Variants in DPP10 observed in about 807,000 individuals in gnomAD.
DPP10 encodes the protein dipeptidyl peptidase like 10, also known as inactive dipeptidyl peptidase 10.
DPP10 carries 33 observed loss-of-function variants against 120.9 expected under a neutral mutation model. The observed-to-expected ratio is 0.27, with a 90% CI of 0.21 to 0.37. The LOEUF (loss-of-function observed/expected upper bound fraction) is 0.37, where lower values mean the gene tolerates loss of function less well. Among genes scored for constraint, DPP10 ranks in the 10% least tolerant of loss-of-function variants. The probability of loss-of-function intolerance (pLI) is 1.00; values close to 1 mark genes in which losing one functional copy is unlikely to be tolerated. For synonymous variants in DPP10, 337 were observed against 326.1 expected (o/e 1.03, Z -0.36); for missense variants, 816 against 942.8 (o/e 0.87, Z 1.76).
chr2:114,955,084 A>G (rs1450259046), intron 1 of DPP10, among the ~76,000 whole-genome samples: 1 of 152,232 alleles, frequency 6.6e-6, no homozygotes, highest in Non-Finnish European at 1.5e-5. Context: ...TAAGAAAGTA[A>G]AGGAATAACA....
intron 3 of DPP10, among the ~76,000 whole-genome samples, chr2:115,390,027 A>G (rs2106535878): frequency 6.6e-6 from 1 of 152,284 alleles, no homozygotes; most frequent in East Asian, 1.9e-4. Context: ...GAGATGGACA[A>G]AGTAGTTCTA....
chr2:115,567,247 GA>G (rs1351537719), intron 5 of DPP10, among the ~76,000 whole-genome samples: 1 of 151,610 alleles, frequency 6.6e-6, no homozygotes, highest in East Asian at 1.9e-4. Flanking sequence ...AATTTAAAAT[GA>G]TACAAAAATG....
chr2:114,462,452 A>G (rs1679007312), intron 1 of DPP10, among the ~76,000 whole-genome samples: 1 of 152,166 alleles, frequency 6.6e-6, no homozygotes, highest in South Asian at 2.1e-4. Context: ...TCTTTTCGAC[A>G]ACCTTGGCAG....
At chr2:115,086,496 A>C (rs1708713339) in intron 1 of DPP10, among the ~76,000 whole-genome samples, 1 of 129,006 alleles carries the variant, frequency 7.8e-6, no homozygotes. Context: ...CCAGGCTGTC[A>C]CCCAGGCTGG....
chr2:115,189,309 G>A (rs2054694677), intron 1 of DPP10, among the ~76,000 whole-genome samples: 1 of 152,076 alleles, frequency 6.6e-6, no homozygotes, highest in Non-Finnish European at 1.5e-5. Context: ...GGCGGGGTGA[G>A]TAGTTTGGCA....
intron 5 of DPP10, among the ~76,000 whole-genome samples, chr2:115,593,423 T>G (rs912650980): frequency 6.6e-6 from 1 of 152,190 alleles, no homozygotes; most frequent in Non-Finnish European, 1.5e-5. Context: ...AATCCACACA[T>G]CAGCAGGGAG....
intron 7 of DPP10, among the ~76,000 whole-genome samples, chr2:115,711,887 C>T (rs1559060902): frequency 7.0e-6 from 1 of 142,482 alleles, no homozygotes; most frequent in African/African-American, 2.6e-5. Context: ...AAGAGTTTTC[C>T]TAGAATATTG....
chr2:115,227,666 A>G (rs1018587052), intron 1 of DPP10, among the ~76,000 whole-genome samples: 3 of 152,122 alleles, frequency 2.0e-5, no homozygotes, highest in Admixed American at 6.6e-5. Flanking sequence ...AAATCAGACA[A>G]TATGTAGCCT....
chr2:115,404,181 A>T (rs1305106658), intron 3 of DPP10, among the ~76,000 whole-genome samples: 2 of 152,044 alleles, frequency 1.3e-5, no homozygotes, highest in Admixed American at 6.6e-5. Context: ...GCTTTTGGGG[A>T]GGCCTCAGAA....
At chr2:115,401,280 C>T (rs566629578) in intron 3 of DPP10, among the ~76,000 whole-genome samples, 1 of 152,246 alleles carries the variant, frequency 6.6e-6, no homozygotes, top group East Asian at 1.9e-4. Flanking sequence ...ACTGGGTGAT[C>T]ACTAAACTAT....
At chr2:114,935,885 A>G (rs1460019757) in intron 1 of DPP10, among the ~76,000 whole-genome samples, 1 of 151,422 alleles carries the variant, frequency 6.6e-6, no homozygotes, top group Non-Finnish European at 1.5e-5. Flanking sequence ...TTAAATCAGT[A>G]TCCTAGAATA....
intron 19 of DPP10, among the ~76,000 whole-genome samples, chr2:115,802,717 T>C (rs375573436): frequency 0.017 from 2,570 of 151,864 alleles, 70 homozygotes; most frequent in African/African-American, 0.057. Context: ...GCAGGTTGTT[T>C]AGTTTCCATG....
At chr2:114,803,597 A>G (rs1432634429) in intron 1 of DPP10, among the ~76,000 whole-genome samples, 1 of 152,182 alleles carries the variant, frequency 6.6e-6, no homozygotes, top group Non-Finnish European at 1.5e-5. Context: ...CTGGAGCAAA[A>G]GTGACTCTTG....
At chr2:114,782,176 C>A (rs1682390038) in intron 1 of DPP10, among the ~76,000 whole-genome samples, 1 of 151,772 alleles carries the variant, frequency 6.6e-6, no homozygotes, top group East Asian at 1.9e-4. Context: ...TTAATGGAAT[C>A]TTCATACTAG....
chr2:115,800,441 T>G (rs1575814876), intron 19 of DPP10, among the ~76,000 whole-genome samples: 2 of 152,308 alleles, frequency 1.3e-5, no homozygotes, highest in East Asian at 1.9e-4. Flanking sequence ...TTAGTTTAAT[T>G]AGATCACATT....
chr2:115,068,661 G>T lies in DPP10; in HGVS notation c.61-240578G>T, dbSNP rs188619681. ...TTTGCCCAGACCAATGTCAAAAGGG[G>T]TTTTTTCCTATGTTGTCTTTCAATA... On this transcript the variant is annotated intron_variant, in intron 1 of 25. Transcript: ENST00000410059. Among the ~76,000 whole-genome samples, 79 of 152,156 alleles carry T rather than the reference G, an allele frequency of 5.2e-4. 1 individual carries two copies. The Middle Eastern group carries it at 0.01, about 20-fold the overall frequency.
chr2:115,117,554 G>A (rs1302708671), intron 1 of DPP10, among the ~76,000 whole-genome samples: 2 of 152,196 alleles, frequency 1.3e-5, no homozygotes, highest in Admixed American at 6.5e-5. Context: ...GCTGCAATGA[G>A]CTCAGACAGC....
intron 1 of DPP10, among the ~76,000 whole-genome samples, chr2:115,048,718 T>A (rs188089243): frequency 1.3e-5 from 2 of 152,188 alleles, no homozygotes; most frequent in East Asian, 3.9e-4. Context: ...TCTACATGTA[T>A]CTCCTCTTCT....
At chr2:114,702,192 T>C (rs1233699588) in intron 1 of DPP10, among the ~76,000 whole-genome samples, 1 of 152,176 alleles carries the variant, frequency 6.6e-6, no homozygotes, top group African/African-American at 2.4e-5. Context: ...TAATTTGTTG[T>C]ACTTAGTAGG....
Sources: gnomAD v4.1 joint callset for allele counts (sites outside exome capture counted in the v4.1 genomes callset) on GRCh38, gnomAD v4.1.1 for gene constraint, MANE v1.5 for transcripts, NCBI Gene and HGNC (gene_info 2026-07-23, HGNC 2026-07-21) for gene names.